Variants in ARVCF observed in about 807,000 individuals in gnomAD.
The protein encoded by ARVCF is splicing regulator ARVCF.
A neutral mutation model predicts 90.9 loss-of-function variants in ARVCF; 66 were observed. That is an observed-to-expected ratio of 0.73 (90% CI 0.60 to 0.89). The LOEUF is 0.89. Among genes scored for constraint, ARVCF ranks in the 40% least tolerant of loss-of-function variants. The probability of loss-of-function intolerance (pLI) is 0.00; values close to 1 mark genes in which losing one functional copy is unlikely to be tolerated. For missense variants in ARVCF, 1,469 were observed against 1,382.3 expected (o/e 1.06, Z -1.00); for synonymous variants, 653 against 603.4 (o/e 1.08, Z -1.21).
At chr22:19,990,865 C>T (rs1944001337) in intron 2 of ARVCF, 53 bp from the exon 3 acceptor site, 3 of 1,510,878 alleles carry the variant, frequency 2.0e-6, no homozygotes, top group South Asian at 1.2e-5. Context: ...CTGGCAAGGC[C>T]ATCATGGGCC....
Position 19,982,030 on chromosome 22 carries a change from TC to T in ARVCF, c.271del (p.Glu91ArgfsTer4). ...GTCCTCCTCCACCGTCACGGTCTCC[TC>T]CAGCACATCAGGTGCCTCCGGCATC... ...ATMPEAPDVL[E>X]ETVTVEEDPG... On this transcript the variant is annotated frameshift_variant, in exon 4 of 20. Coordinates refer to ENST00000263207, the MANE Select transcript of ARVCF (RefSeq NM_001670.3). LOFTEE classifies it high-confidence loss of function. 1.2e-6 allele frequency: 2 copies of T among 1,612,924 alleles called. No individual in the cohort carries two copies. Among genetic ancestry groups the T allele is most frequent in the Admixed American group, 3.3e-5 (2 of 60,014 alleles).
At chr22:19,992,079 G>A (rs1469057981) in intron 2 of ARVCF, among the ~76,000 whole-genome samples, 1 of 152,226 alleles carries the variant, frequency 6.6e-6, no homozygotes, top group Non-Finnish European at 1.5e-5. Flanking sequence ...AGCAGCGCTG[G>A]GCTCAGCTGC....
At chr22:19,977,300 G>A in intron 9 of ARVCF, 115 bp downstream of exon 9, 1 of 1,349,330 alleles carries the variant, frequency 7.4e-7, no homozygotes, top group Non-Finnish European at 9.8e-7. Context: ...TGCCTGTTGG[G>A]GGCTGACCAG....
At chr22:19,970,894 G>A (rs1942724956) in intron 19 of ARVCF, among the ~76,000 whole-genome samples, 151 bp from the exon 20 acceptor site, 1 of 152,184 alleles carries the variant, frequency 6.6e-6, no homozygotes, top group African/African-American at 2.4e-5. Flanking sequence ...TGACCCCAAG[G>A]GTCTTGGCAC....
At chr22:20,007,042 C>T (rs1328479685) in intron 2 of ARVCF, among the ~76,000 whole-genome samples, 47 of 150,710 alleles carry the variant, frequency 3.1e-4, no homozygotes, top group Admixed American at 3.1e-3. Context: ...TTGCTGGGGC[C>T]CAGAAGTTCG....
chr22:19,980,498 C>A, intron 5 of ARVCF: 1 of 449,390 alleles, frequency 2.2e-6, no homozygotes, highest in South Asian at 7.9e-5. Flanking sequence ...ACAGCAAACT[C>A]ACTCACTGCT....
chr22:20,001,759 T>C (rs999133726), intron 2 of ARVCF, among the ~76,000 whole-genome samples: 5 of 151,614 alleles, frequency 3.3e-5, no homozygotes, highest in African/African-American at 7.3e-5. Flanking sequence ...CTCACTGTAC[T>C]CCAGCCTGGG....
chr22:20,003,662 C>T (rs1328797063), intron 2 of ARVCF, among the ~76,000 whole-genome samples: 1 of 152,054 alleles, frequency 6.6e-6, no homozygotes, highest in Admixed American at 6.5e-5. Context: ...AAACATTTAA[C>T]AAAATTCAAT....
In ARVCF at chr22:19,975,750, C is replaced by G. The variant is rs776075753; in HGVS notation, c.1896G>C (p.Lys632Asn). ...CAAAGTTCCGGTCCATCTCACCATC[C>G]TTCTTTCCTGGAAGGGAAAGGTGGT... ...AKEEWFHQGK[K>N]DGEMDRNFDT... is the part of the protein sequence containing the mutation. The change falls in exon 11 of 20, where the codon AAG (lysine) becomes AAC (asparagine). Residue 632 changes from lysine (K) to asparagine (N), a missense_variant. Transcript: ENST00000263207. The G allele has an allele frequency of 6.2e-7, 1 of 1,613,576 alleles. No homozygotes were observed. Among genetic ancestry groups the G allele is most frequent in the South Asian group, 1.1e-5 (1 of 91,068 alleles).
intron 1 of ARVCF, among the ~76,000 whole-genome samples, 172 bp downstream of exon 1, chr22:20,016,417 T>C (rs1426498055): frequency 1.3e-5 from 2 of 151,740 alleles, no homozygotes; most frequent in Non-Finnish European, 2.9e-5. Context: ...GGGGCGGAGA[T>C]TGGCTCCGAC....
In ARVCF at chr22:19,990,450, C is replaced by T. The variant is rs1601634714; in HGVS notation, c.210+135G>A. The T allele has an allele frequency of 5.3e-6, 6 of 1,133,828 alleles. No homozygotes were observed. The East Asian group carries it at 1.6e-4, about 29-fold the overall frequency. 70.2% of individuals were successfully genotyped at this position (1,133,828 alleles called of 1,614,324 possible). A position where few individuals can be genotyped will look rare whatever the true frequency, so the allele number is the denominator to read the frequency against. ...GGACTTCCAGCCCAACCTGGGATCC[C>T]ATTTTCCTTTCCTCCCCAGGAGCCC... On this transcript the variant is annotated intron_variant, in intron 3 of 19. Coordinates refer to ENST00000263207, the MANE Select transcript of ARVCF (RefSeq NM_001670.3).
chr22:19,979,466 GGA>G, intron 6 of ARVCF: 1 of 571,758 alleles, frequency 1.7e-6, no homozygotes, highest in Non-Finnish European at 3.0e-6. Context: ...GTGGGTCCCA[GGA>G]GAGTTTCTGT....
At chr22:19,979,559 TGG>T in intron 6 of ARVCF, 182 bp downstream of exon 6, 1 of 922,892 alleles carries the variant, frequency 1.1e-6, no homozygotes, top group Non-Finnish European at 1.6e-6. Flanking sequence ...TGGTAGAGAC[TGG>T]GGAACCTGTC....
chr22:19,981,654 G>T lies in ARVCF; in HGVS notation c.453C>A (p.Gly151=). Residue 151 remains glycine, a synonymous_variant, in exon 5 of 20, where the codon GGC becomes GGA. Transcript: ENST00000263207. Reference sequence around the variant, plus strand: ...CTGCAAAAGGGCCTAGTGGGGGGCCGCCATCCAGCAGGGGGAGTCCATCTG... The same window carrying T: ...CTGCAAAAGGGCCTAGTGGGGGGCCTCCATCCAGCAGGGGGAGTCCATCTG... ...VGPDGLPLLD[G]GPPLGPFADG... is the part of the protein sequence containing the mutation. The T allele has an allele frequency of 6.2e-7, 1 of 1,609,124 alleles. No homozygotes were observed. Among genetic ancestry groups the T allele is most frequent in the Non-Finnish European group, 8.5e-7 (1 of 1,179,020 alleles).
At chr22:19,982,375 T>C (rs371950655) in intron 3 of ARVCF, among the ~76,000 whole-genome samples, 81 of 152,168 alleles carry the variant, frequency 5.3e-4, no homozygotes, top group African/African-American at 1.9e-3. Context: ...TCAGGCTGAG[T>C]TGGCAGATAA....
At chr22:20,013,498 C>T (rs541908997) in intron 1 of ARVCF, among the ~76,000 whole-genome samples, 1 of 152,348 alleles carries the variant, frequency 6.6e-6, no homozygotes, top group East Asian at 1.9e-4. Context: ...GGAGGCCGAG[C>T]TCCGGTCATC....
intron 2 of ARVCF, among the ~76,000 whole-genome samples, chr22:19,994,469 T>C (rs1235674343): frequency 3.4e-5 from 1 of 29,616 alleles, no homozygotes; most frequent in South Asian, 1.2e-3. Context: ...GATGGATGGG[T>C]GGGTGGGGGG....
Position 19,973,781 on chromosome 22 carries a change from T to G in ARVCF, c.2101A>C (p.Ile701Leu), listed in dbSNP as rs377700104. 1 of 1,605,882 alleles carries G rather than the reference T, an allele frequency of 6.2e-7. No individual in the cohort carries two copies. The highest frequency in any genetic ancestry group is 1.3e-5 in the African/African-American group (1 of 74,940). ...CGCTCTTTGCGCACTGTGGCGCGGA[T>G]GTACGTGGCCCACTGCGGAGGCGGG... ...SAGNWMWATY[I>L]RATVRKERGL... The change falls in exon 13 of 20, where the codon ATC (isoleucine) becomes CTC (leucine). Residue 701 changes from isoleucine to leucine, a missense_variant. Physicochemically the swap from Ile to Leu is conservative, Grantham distance 5 (BLOSUM62 2). Coordinates refer to ENST00000263207, the MANE Select transcript of ARVCF (RefSeq NM_001670.3).
chr22:19,998,471 T>A (rs969298970), intron 2 of ARVCF, among the ~76,000 whole-genome samples: 6 of 151,786 alleles, frequency 4.0e-5, no homozygotes, highest in African/African-American at 1.5e-4. Flanking sequence ...GAAGCTGAGG[T>A]AGGAGAGCCT....
Sources: gnomAD v4.1 joint callset for allele counts (sites outside exome capture counted in the v4.1 genomes callset) on GRCh38, gnomAD v4.1.1 for gene constraint, MANE v1.5 for transcripts, NCBI Gene and HGNC (gene_info 2026-07-23, HGNC 2026-07-21) for gene names.